The following SLC26A7 variants were observed in gnomAD, a reference collection of about 807,000 sequenced individuals.
SLC26A7 encodes the protein anion exchange transporter.
SLC26A7 carries 59 observed loss-of-function variants against 82.5 expected under a neutral mutation model. The ratio of observed to expected loss-of-function variants is 0.72; its 90% CI spans 0.58 to 0.89. The LOEUF (loss-of-function observed/expected upper bound fraction) is 0.89, where lower values mean the gene tolerates loss of function less well. Among genes scored for constraint, SLC26A7 ranks in the 40% least tolerant of loss-of-function variants. SLC26A7 has a pLI of 0.00. For synonymous variants in SLC26A7, 271 were observed against 274.3 expected (o/e 0.99, Z 0.12); for missense variants, 820 against 793.0 (o/e 1.03, Z -0.41).
chr8:91,284,537 A>G (rs75168959), intron 2 of SLC26A7, among the ~76,000 whole-genome samples: 1,787 of 152,248 alleles, frequency 0.012, 30 homozygotes, highest in African/African-American at 0.041. Context: ...TTGTTTTTAG[A>G]CATTGAACAG....
intron 2 of SLC26A7, among the ~76,000 whole-genome samples, chr8:91,229,246 C>G (rs1187938565): frequency 3.9e-5 from 6 of 152,272 alleles, no homozygotes; most frequent in African/African-American, 9.6e-5. Flanking sequence ...TGATGCCAAC[C>G]CCAACATGCA....
intron 2 of SLC26A7, among the ~76,000 whole-genome samples, chr8:91,219,550 GA>G (rs1242450177): frequency 6.6e-6 from 1 of 151,830 alleles, no homozygotes; most frequent in Non-Finnish European, 1.5e-5. Context: ...CTTTTTACAC[GA>G]CAAACTGCCG....
chr8:91,305,193 T>G (rs992617799), intron 4 of SLC26A7, among the ~76,000 whole-genome samples: 1 of 152,222 alleles, frequency 6.6e-6, no homozygotes, highest in African/African-American at 2.4e-5. Flanking sequence ...CAGTTAAATG[T>G]TAGTGGCATC....
rs181071872 is a variant in SLC26A7 at position 91,393,711 on chromosome 8, A to G, written c.1777-86A>G. 3.3e-5 allele frequency: 47 copies of G among 1,435,868 alleles called. No individual in the cohort carries two copies. In the Admixed American group the frequency reaches 5.2e-4, roughly 16 times the overall value. 88.9% of individuals were successfully genotyped at this position (1,435,868 alleles called of 1,614,324 possible). On this transcript the variant is annotated intron_variant, in intron 16 of 18. Transcript: ENST00000276609. The stretch of plus-strand genomic sequence containing the variant: ...ACTTCGTAAACATCGGCTTTAAAGA[A>G]AGTTTGATTTCTTCTGAAGCCCATC...
intron 4 of SLC26A7, among the ~76,000 whole-genome samples, chr8:91,305,532 T>C (rs1812281303): frequency 6.6e-6 from 1 of 152,190 alleles, no homozygotes; most frequent in African/African-American, 2.4e-5. Context: ...TATTGTTTTA[T>C]TGAGCTCATA....
chr8:91,275,629 CT>C (rs1811386999), intron 2 of SLC26A7, among the ~76,000 whole-genome samples: 1 of 152,144 alleles, frequency 6.6e-6, no homozygotes, highest in Non-Finnish European at 1.5e-5. Context: ...GTTTTGCATC[CT>C]TACATGATAC....
At chr8:91,338,314 T>A in intron 7 of SLC26A7, 82 bp downstream of exon 7, 1 of 844,856 alleles carries the variant, frequency 1.2e-6, no homozygotes, top group Non-Finnish European at 1.8e-6. Context: ...TGAGTGGGTA[T>A]GGATATTTCA....
chr8:91,266,707 C>A (rs1391346562), intron 2 of SLC26A7, among the ~76,000 whole-genome samples: 1 of 151,944 alleles, frequency 6.6e-6, no homozygotes, highest in African/African-American at 2.4e-5. Context: ...TTGACTCCCT[C>A]CTTTCCAATT....
At chr8:91,246,085 T>A (rs1431060911), upstream of SLC26A7, among the ~76,000 whole-genome samples, 1 of 152,244 alleles carries the variant, frequency 6.6e-6, no homozygotes, top group Non-Finnish European at 1.5e-5. Flanking sequence ...AAATCTCATC[T>A]TATTTTTCTC....
At chr8:91,320,996 G>A (rs563585905) in intron 5 of SLC26A7, among the ~76,000 whole-genome samples, 2 of 152,282 alleles carry the variant, frequency 1.3e-5, no homozygotes, top group African/African-American at 4.8e-5. Context: ...AAAGAGTCCA[G>A]TTTTAGCCAA....
In SLC26A7 at chr8:91,334,433, G is replaced by C. The variant is rs764996558; in HGVS notation, c.781G>C (p.Val261Leu). 12 of 1,611,472 alleles carry C rather than the reference G, an allele frequency of 7.4e-6. No homozygotes were observed. In the African/African-American group the frequency reaches 1.6e-4, roughly 22 times the overall value. ...FKRKIKVVLP[V>L]DLVLIIAASF... is the part of the protein sequence containing the mutation. ...AAGGAAAATTAAAGTTGTTCTTCCTGTAGATTTAGTTTTGGTAAGTATAAA... is the reference window on the plus strand; with the variant it reads ...AAGGAAAATTAAAGTTGTTCTTCCTCTAGATTTAGTTTTGGTAAGTATAAA... The change falls in exon 6 of 19, where the codon GTA (valine) becomes CTA (leucine). Residue 261 changes from valine to leucine, a missense_variant. Val to Leu is a conservative substitution (Grantham distance 32, BLOSUM62 1). Transcript: ENST00000276609.
At chr8:91,320,065 G>A (rs1812748605) in intron 5 of SLC26A7, among the ~76,000 whole-genome samples, 1 of 151,976 alleles carries the variant, frequency 6.6e-6, no homozygotes, top group Non-Finnish European at 1.5e-5. Context: ...ACTTTTTGGA[G>A]GTGTTTCTTT....
At chr8:91,378,475 A>G (rs1814580601) in intron 15 of SLC26A7, among the ~76,000 whole-genome samples, 1 of 147,164 alleles carries the variant, frequency 6.8e-6, no homozygotes, top group Non-Finnish European at 1.5e-5. Context: ...ATATGTATTT[A>G]TATATTAAAT....
At chr8:91,261,466 T>C (rs1487464217) in intron 2 of SLC26A7, among the ~76,000 whole-genome samples, 2 of 152,060 alleles carry the variant, frequency 1.3e-5, no homozygotes, top group Non-Finnish European at 2.9e-5. Flanking sequence ...CTTGAGTAGA[T>C]TGTATAACCC....
At chr8:91,295,797 T>C in intron 4 of SLC26A7, 94 bp downstream of exon 4, 4 of 1,274,530 alleles carry the variant, frequency 3.1e-6, no homozygotes, top group Non-Finnish European at 4.3e-6. Flanking sequence ...CATGAATTTG[T>C]CTTTATAGGT....
intron 18 of SLC26A7, chr8:91,394,381 A>G: frequency 6.6e-7 from 1 of 1,520,982 alleles, no homozygotes; most frequent in East Asian, 2.3e-5. Context: ...CAAATATAAA[A>G]ACTCTAAATA....
intron 15 of SLC26A7, among the ~76,000 whole-genome samples, chr8:91,374,665 C>G (rs1407859322): frequency 6.6e-6 from 1 of 152,056 alleles, no homozygotes; most frequent in East Asian, 1.9e-4. Context: ...GTCAATTTTA[C>G]AGAATGTTCC....
At chr8:91,313,970 C>T (rs530867464) in intron 4 of SLC26A7, among the ~76,000 whole-genome samples, 28 of 152,222 alleles carry the variant, frequency 1.8e-4, no homozygotes, top group South Asian at 6.2e-4. Flanking sequence ...GAGATACATT[C>T]AATTAATGTG....
At chr8:91,244,792 A>C (rs1810522165), upstream of SLC26A7, among the ~76,000 whole-genome samples, 1 of 152,062 alleles carries the variant, frequency 6.6e-6, no homozygotes, top group Admixed American at 6.5e-5. Context: ...AAGTGCTAGG[A>C]TTATAGGTAT....
Sources: allele counts gnomAD v4.1 joint callset (sites outside exome capture counted in the v4.1 genomes callset), GRCh38; gene constraint gnomAD v4.1.1; transcripts MANE v1.5; gene names NCBI Gene and HGNC (gene_info 2026-07-23, HGNC 2026-07-21).